GIT2: variants seen among roughly 807,000 people sequenced by gnomAD.
GIT2 encodes the protein ARF GTPase-activating protein GIT2.
In GIT2, 32 loss-of-function variants were observed where a neutral mutation model predicts 100.3. That is an observed-to-expected ratio of 0.32 (90% confidence interval 0.24 to 0.43). The LOEUF (loss-of-function observed/expected upper bound fraction) is 0.43, where lower values mean the gene tolerates loss of function less well. Ranked by LOEUF, GIT2 falls within the 20% of genes least tolerant of loss-of-function variation. GIT2 has a pLI of 1.00. For synonymous variants in GIT2, 353 were observed against 364.1 expected, an observed-to-expected ratio of 0.97 and a Z score of 0.35; for missense variants, 737 against 975.1, an observed-to-expected ratio of 0.76 and a Z score of 3.25.
intron 7 of GIT2, among the ~76,000 whole-genome samples, chr12:109,973,396 C>T (rs1287370199): frequency 6.6e-6 from 1 of 152,122 alleles, no homozygotes; most frequent in Non-Finnish European, 1.5e-5. Context: ...CTGCCTCAGC[C>T]TCCCAAAGTG....
chr12:109,940,597 T>C (rs1209610886), intron 16 of GIT2: 2 of 152,090 alleles, frequency 1.3e-5, no homozygotes, highest in Admixed American at 6.6e-5. Context: ...AAGGTCTACA[T>C]GGCCAGGTGC....
intron 3 of GIT2, 74 bp downstream of exon 3, chr12:109,989,616 A>AAAAT: frequency 2.3e-6 from 2 of 870,346 alleles, no homozygotes; most frequent in Non-Finnish European, 3.8e-6. Context: ...AGACTGACCA[A>AAAAT]AAATAGCTGC....
chr12:109,983,796 G>A (rs888809421), intron 4 of GIT2, 102 bp from the exon 5 acceptor site: 8 of 707,750 alleles, frequency 1.1e-5, no homozygotes, highest in Admixed American at 2.6e-5. Flanking sequence ...CATCAGTAAC[G>A]CATAATCTTT....
At chr12:109,996,426 G>A, upstream of GIT2, 1 of 525,978 alleles carries the variant, frequency 1.9e-6, no homozygotes, top group South Asian at 2.4e-5. Context: ...GACCGGAAAG[G>A]GCACTCTGCC....
chr12:109,948,994 T>C lies in GIT2; in HGVS notation c.1393-1490A>G, dbSNP rs1877095717. On this transcript the variant is annotated intron_variant, in intron 14 of 19. Coordinates refer to ENST00000355312, the MANE Select transcript of GIT2 (RefSeq NM_057169.5). This position sits in a 1 kb window ranked among gnomAD's most constrained non-coding sequence, Gnocchi z 4.3. ...CTTTATATTAATCATGCCAAACTGC[T>C]GTGAAAGTGTGACTTACTGCCTCTT... The C allele has an allele frequency of 8.3e-6, 5 of 599,322 alleles. No homozygotes were observed. Among genetic ancestry groups the C allele is most frequent in the Admixed American group, 3.4e-5 (1 of 29,340 alleles). 37.1% of individuals were successfully genotyped at this position (599,322 alleles called of 1,614,324 possible).
At chr12:109,961,203 A>G (rs1026267653) in intron 11 of GIT2, 75 bp downstream of exon 11, 9 of 825,526 alleles carry the variant, frequency 1.1e-5, no homozygotes, top group Admixed American at 2.0e-5. Flanking sequence ...CATTTAGAAT[A>G]GTTTTCCTGG....
intron 6 of GIT2, chr12:109,982,874 G>A (rs949368223): frequency 6.6e-5 from 10 of 151,694 alleles, no homozygotes; most frequent in African/African-American, 2.4e-4. Flanking sequence ...TCGAACTTCT[G>A]GCCTCAAGTA....
chr12:109,942,340 T>C (rs953507253), intron 16 of GIT2, among the ~76,000 whole-genome samples: 1 of 152,188 alleles, frequency 6.6e-6, no homozygotes, highest in African/African-American at 2.4e-5. Context: ...TTTATTTATT[T>C]ATCTGGAGAC....
chr12:109,995,797 T>C (rs1304277288), intron 1 of GIT2, among the ~76,000 whole-genome samples: 1 of 151,968 alleles, frequency 6.6e-6, no homozygotes, highest in Non-Finnish European at 1.5e-5. Flanking sequence ...TAGTGGGAGG[T>C]GACACCTGCA....
intron 8 of GIT2, among the ~76,000 whole-genome samples, chr12:109,966,508 C>CAAAAAAAAA (rs749586402): frequency 2.7e-4 from 19 of 70,078 alleles, no homozygotes; most frequent in Non-Finnish European, 3.3e-4. Flanking sequence ...GACTCTGTCT[C>CAAAAAAAAA]AAAAAAAAAA....
intron 14 of GIT2, among the ~76,000 whole-genome samples, chr12:109,949,722 GCT>G (rs368257596): frequency 5.8e-4 from 89 of 152,272 alleles, no homozygotes; most frequent in Non-Finnish European, 8.7e-4. Context: ...AGATAATGAG[GCT>G]CTCTCTGGTG....
chr12:109,971,623 C>T (rs1172543300), intron 7 of GIT2, among the ~76,000 whole-genome samples: 1 of 151,754 alleles, frequency 6.6e-6, no homozygotes, highest in Admixed American at 6.6e-5. Context: ...TGTGCCCAGC[C>T]AATTTGGAGC....
intron 1 of GIT2, chr12:109,991,968 A>C (rs1174153203): frequency 4.2e-6 from 2 of 480,992 alleles, no homozygotes; most frequent in Non-Finnish European, 7.4e-6. Context: ...TAAAAACACC[A>C]GTGGGAGCCT....
chr12:109,993,640 T>C (rs1023108401), intron 1 of GIT2, among the ~76,000 whole-genome samples: 1 of 152,204 alleles, frequency 6.6e-6, no homozygotes, highest in African/African-American at 2.4e-5. Flanking sequence ...TCACACATAG[T>C]AAAGTAGTAA....
In GIT2 at chr12:109,933,148, T is replaced by C. The variant is rs1363321396; in HGVS notation, c.2110A>G (p.Thr704Ala). 1 of 1,591,622 alleles carries C rather than the reference T, an allele frequency of 6.3e-7. No individual in the cohort carries two copies. The highest frequency in any genetic ancestry group is 1.1e-5 in the South Asian group (1 of 88,914). ...GACTGCAGTCGGTAGGCACTGGACG[T>C]CAGTAAACGAAGGGAAGTCCTCACC... Reference protein sequence around the residue: ...DMVRTSLRLLTSSAYRLQSEC... With the variant: ...DMVRTSLRLLASSAYRLQSEC... Residue 704 changes from threonine (T) to alanine (A), a missense_variant, in exon 20 of 20, where the codon ACG becomes GCG. Physicochemically the swap from Thr to Ala is moderately conservative, Grantham distance 58. Coordinates refer to ENST00000355312, the MANE Select transcript of GIT2 (RefSeq NM_057169.5). This position sits in a 1 kb window ranked among gnomAD's most constrained non-coding sequence, Gnocchi z 4.5.
Position 109,996,347 on chromosome 12 carries a change from C to G in GIT2, c.-123G>C. The G allele has an allele frequency of 1.6e-6, 1 of 633,988 alleles. No individual in the cohort carries two copies. Among genetic ancestry groups the G allele is most frequent in the South Asian group, 2.0e-5 (1 of 50,738 alleles). 39.3% of individuals were successfully genotyped at this position (633,988 alleles called of 1,614,324 possible). A position where few individuals can be genotyped will look rare whatever the true frequency, so the allele number is the denominator to read the frequency against. ...GCGCTGACGGCGGCGCCTCTCCCCT[C>G]AGCGCCTTGCAGCCTTGGCACAGCA... On this transcript the variant is annotated 5_prime_UTR_variant, in exon 1 of 20. Transcript: ENST00000355312.
intron 8 of GIT2, among the ~76,000 whole-genome samples, chr12:109,965,984 G>A (rs1421789024): frequency 1.3e-5 from 2 of 150,622 alleles, no homozygotes; most frequent in Non-Finnish European, 3.0e-5. Context: ...AGGATCACAA[G>A]GTCAGGGTTG....
intron 12 of GIT2, among the ~76,000 whole-genome samples, chr12:109,957,696 C>T (rs1426603089): frequency 6.6e-6 from 1 of 151,826 alleles, no homozygotes; most frequent in African/African-American, 2.4e-5. Context: ...TTAGTAGAGA[C>T]AGGATTTCAC....
At chr12:109,944,735 C>T (rs1454807906) in intron 16 of GIT2, among the ~76,000 whole-genome samples, 1 of 151,412 alleles carries the variant, frequency 6.6e-6, no homozygotes, top group Non-Finnish European at 1.5e-5. Context: ...TCCAATGCCA[C>T]AAGGTGTTAC....
Sources: allele counts gnomAD v4.1 joint callset (sites outside exome capture counted in the v4.1 genomes callset), GRCh38; gene constraint gnomAD v4.1.1; non-coding constraint Gnocchi (gnomAD v3.1); transcripts MANE v1.5; gene names NCBI Gene and HGNC (gene_info 2026-07-23, HGNC 2026-07-21).